Variants in PCDH9 observed in about 807,000 individuals in gnomAD.
PCDH9 encodes the protein protocadherin-9.
A neutral mutation model predicts 70.6 loss-of-function variants in PCDH9; 24 were observed. The observed-to-expected ratio is 0.34, with a 90% CI of 0.25 to 0.48. The LOEUF (loss-of-function observed/expected upper bound fraction) is 0.48, where lower values mean the gene tolerates loss of function less well. Among genes scored for constraint, PCDH9 ranks in the 20% least tolerant of loss-of-function variants. PCDH9 has a pLI of 0.99. For synonymous variants in PCDH9, 562 were observed against 558.5 expected (o/e 1.01, Z -0.09); for missense variants, 1,281 against 1,503.6 (o/e 0.85, Z 2.45).
At chr13:66,657,075 C>T (rs576402216) in intron 3 of PCDH9, among the ~76,000 whole-genome samples, 1 of 152,260 alleles carries the variant, frequency 6.6e-6, no homozygotes, top group African/African-American at 2.4e-5. Context: ...TTTGCCTAGA[C>T]CACCAGGCAA....
rs1462636684 is a variant in PCDH9 at position 66,400,358 on chromosome 13, A to AT, written c.3341-95331dup. ...ACAGTTGAAGATGAGAAATAAATAG[A>AT]TTTTTTTATCCTTAAAAATAAATCT... On this transcript the variant is annotated intron_variant, in intron 4 of 4. Transcript: ENST00000377865. Among the ~76,000 whole-genome samples, 40 of 152,274 alleles carry AT rather than the reference A, an allele frequency of 2.6e-4. No homozygotes were observed. In the Middle Eastern group the frequency reaches 0.01, roughly 39 times the overall value.
At chr13:66,735,185 C>G (rs2079129987) in intron 3 of PCDH9, among the ~76,000 whole-genome samples, 1 of 152,198 alleles carries the variant, frequency 6.6e-6, no homozygotes, top group Non-Finnish European at 1.5e-5. Context: ...ATTAGGGCAG[C>G]TGAGAAATCT....
chr13:66,306,737 A>G (rs1161030985), intron 4 of PCDH9, among the ~76,000 whole-genome samples: 2 of 151,952 alleles, frequency 1.3e-5, no homozygotes, highest in Non-Finnish European at 2.9e-5. Context: ...TTAAACACAT[A>G]TTCATTACTT....
intron 2 of PCDH9, among the ~76,000 whole-genome samples, chr13:67,190,260 T>G (rs2088874189): frequency 6.6e-6 from 1 of 151,984 alleles, no homozygotes; most frequent in Admixed American, 6.6e-5. Context: ...GCTTCATATC[T>G]CTAATGGCAT....
At chr13:66,700,922 A>ATGTG (rs1566514236) in intron 3 of PCDH9, among the ~76,000 whole-genome samples, 974 of 46,844 alleles carry the variant, frequency 0.021, 106 homozygotes, top group Admixed American at 0.042. Flanking sequence ...GTGTACATAT[A>ATGTG]AATATATATA....
chr13:66,904,886 T>G (rs1412549456), intron 2 of PCDH9, among the ~76,000 whole-genome samples: 2 of 152,016 alleles, frequency 1.3e-5, no homozygotes, highest in East Asian at 1.9e-4. Flanking sequence ...TAAGAAGGCA[T>G]GACTTTAAAT....
chr13:66,835,930 A>G (rs2081010496), intron 3 of PCDH9, among the ~76,000 whole-genome samples: 1 of 152,220 alleles, frequency 6.6e-6, no homozygotes, highest in Non-Finnish European at 1.5e-5. Flanking sequence ...TTAATTTGAG[A>G]TAAAAGTTAA....
At chr13:66,923,316 G>A (rs906968396) in intron 2 of PCDH9, among the ~76,000 whole-genome samples, 3 of 151,416 alleles carry the variant, frequency 2.0e-5, no homozygotes, top group African/African-American at 7.3e-5. Context: ...AAAGTAAAAT[G>A]AGAAAAACAC....
chr13:66,579,543 C>G (rs112560081), intron 4 of PCDH9, among the ~76,000 whole-genome samples: 2 of 151,956 alleles, frequency 1.3e-5, no homozygotes, highest in African/African-American at 4.8e-5. Flanking sequence ...GCCTGGATAT[C>G]TGATACCACG....
At chr13:66,992,893 T>C (rs1224711022) in intron 2 of PCDH9, among the ~76,000 whole-genome samples, 2 of 128,498 alleles carry the variant, frequency 1.6e-5, no homozygotes, top group Non-Finnish European at 3.5e-5. Flanking sequence ...CACTTCAAGC[T>C]CTGACTCCTA....
At chr13:66,418,344 T>C (rs1957498770) in intron 4 of PCDH9, among the ~76,000 whole-genome samples, 1 of 152,196 alleles carries the variant, frequency 6.6e-6, no homozygotes, top group Non-Finnish European at 1.5e-5. Context: ...GAAGCCTCTG[T>C]TCTGTTCCAT....
chr13:66,443,752 T>C (rs775881422), intron 4 of PCDH9, among the ~76,000 whole-genome samples: 1 of 152,128 alleles, frequency 6.6e-6, no homozygotes, highest in African/African-American at 2.4e-5. Flanking sequence ...AATATATAGA[T>C]AAAGATAAGT....
intron 3 of PCDH9, among the ~76,000 whole-genome samples, chr13:66,700,921 T>C (rs1171760331): frequency 1.8e-5 from 1 of 56,266 alleles, no homozygotes; most frequent in Non-Finnish European, 3.3e-5. Context: ...TGTGTACATA[T>C]AAATATATAT....
chr13:66,817,698 C>T (rs1204373766), intron 3 of PCDH9, among the ~76,000 whole-genome samples: 3 of 151,938 alleles, frequency 2.0e-5, no homozygotes, highest in Non-Finnish European at 1.5e-5. Flanking sequence ...GGCTTGATGT[C>T]AGCTCACTGC....
At chr13:66,606,551 A>G (rs935927017) in intron 4 of PCDH9, among the ~76,000 whole-genome samples, 1 of 152,132 alleles carries the variant, frequency 6.6e-6, no homozygotes, top group Admixed American at 6.6e-5. Context: ...CAGCACTGTA[A>G]TAATAGGAAA....
chr13:66,806,064 A>C (rs539135572), intron 3 of PCDH9, among the ~76,000 whole-genome samples: 1 of 152,260 alleles, frequency 6.6e-6, no homozygotes, highest in East Asian at 1.9e-4. Context: ...CCAGGGGGGA[A>C]ATATCACATT....
intron 3 of PCDH9, among the ~76,000 whole-genome samples, chr13:66,639,586 G>T (rs546950228): frequency 6.6e-6 from 1 of 152,202 alleles, no homozygotes; most frequent in Admixed American, 6.5e-5. Context: ...TACTCCTTTT[G>T]GGTGTAGTCT....
At chr13:66,853,201 CAATAAT>C (rs71207610) in intron 3 of PCDH9, among the ~76,000 whole-genome samples, 76 of 145,808 alleles carry the variant, frequency 5.2e-4, no homozygotes, top group East Asian at 1.4e-3. Flanking sequence ...TGAATAGTAG[CAATAAT>C]AATAATAATA....
At chr13:66,787,439 A>T (rs561721494) in intron 3 of PCDH9, among the ~76,000 whole-genome samples, 1 of 152,106 alleles carries the variant, frequency 6.6e-6, no homozygotes, top group South Asian at 2.1e-4. Flanking sequence ...AAGATAGTGA[A>T]AGCCCATGTC....
Sources: gnomAD v4.1 joint callset for allele counts (sites outside exome capture counted in the v4.1 genomes callset) on GRCh38, gnomAD v4.1.1 for gene constraint, MANE v1.5 for transcripts, NCBI Gene and HGNC (gene_info 2026-07-23, HGNC 2026-07-21) for gene names.